The following PREX1 variants were observed in gnomAD, a reference collection of about 807,000 sequenced individuals.
PREX1 encodes phosphatidylinositol 3,4,5-trisphosphate-dependent Rac exchanger 1 protein.
In PREX1, 41 loss-of-function variants were observed where a neutral mutation model predicts 198.3. The ratio of observed to expected loss-of-function variants is 0.21; its 90% CI spans 0.16 to 0.27. The LOEUF (loss-of-function observed/expected upper bound fraction) is 0.27, where lower values mean the gene tolerates loss of function less well. Among genes scored for constraint, PREX1 ranks in the 10% least tolerant of loss-of-function variants. The probability of loss-of-function intolerance (pLI) is 1.00; values close to 1 mark genes in which losing one functional copy is unlikely to be tolerated. For missense variants in PREX1, 1,620 were observed against 2,200.7 expected, an observed-to-expected ratio of 0.74 and a Z score of 5.28; for synonymous variants, 843 against 887.2, an observed-to-expected ratio of 0.95 and a Z score of 0.89.
chr20:48,695,963 C>G (rs887414429), intron 7 of PREX1, among the ~76,000 whole-genome samples: 1 of 152,276 alleles, frequency 6.6e-6, no homozygotes, highest in Non-Finnish European at 1.5e-5. Flanking sequence ...GGCACAGGGC[C>G]AAGTCTGGCT....
intron 6 of PREX1, among the ~76,000 whole-genome samples, chr20:48,707,800 G>A (rs1483331288): frequency 6.6e-6 from 1 of 152,148 alleles, no homozygotes; most frequent in Non-Finnish European, 1.5e-5. Context: ...TATGTACCAG[G>A]TACAGATGAG....
At chr20:48,686,515 A>G (rs2089785497) in intron 10 of PREX1, among the ~76,000 whole-genome samples, 1 of 152,214 alleles carries the variant, frequency 6.6e-6, no homozygotes, top group Admixed American at 6.5e-5. Flanking sequence ...AGGCTGCCTC[A>G]TCGGTCCGGA....
rs116811599 is a variant in PREX1, at chr20:48,808,578, T to C, written c.219+19064A>G. Among the ~76,000 whole-genome samples the C allele has an allele frequency of 1.9e-3, 289 of 152,304 alleles. 4 individuals carry two copies. The highest frequency in any genetic ancestry group is 6.6e-3 in the African/African-American group (273 of 41,560). On this transcript the variant is annotated intron_variant, in intron 1 of 39. Transcript: ENST00000371941. Reference sequence around the variant, plus strand: ...CCCGCACAAGTAGCCAGAGGGATCCTGCGAAAACTGAGTCAGATCTGCCCC... The same window carrying C: ...CCCGCACAAGTAGCCAGAGGGATCCCGCGAAAACTGAGTCAGATCTGCCCC...
At chr20:48,872,834 C>T in the PREX1 span, among the ~76,000 whole-genome samples, 2 of 152,158 alleles carry the variant, frequency 1.3e-5, no homozygotes, top group Non-Finnish European at 2.9e-5. Flanking sequence ...AACAGAGCCC[C>T]GGAAGTATTT....
intron 14 of PREX1, among the ~76,000 whole-genome samples, chr20:48,675,984 C>T (rs925268511): frequency 6.6e-6 from 1 of 150,968 alleles, no homozygotes; most frequent in Non-Finnish European, 1.5e-5. Context: ...TTGCAGTGAG[C>T]TAAGACTGCA....
Position 48,710,525 on chromosome 20 carries a change from T to A in PREX1, c.622-2104A>T, listed in dbSNP as rs529735362. ...CTTCTCGATTGGCAGATGCAAGACC[T>A]GAGGCACAGAGAGGTCAGACCGTTT... On this transcript the variant is annotated intron_variant, in intron 5 of 39. Coordinates refer to ENST00000371941, the MANE Select transcript of PREX1 (RefSeq NM_020820.4). 4.6e-5 allele frequency among the ~76,000 whole-genome samples: 7 copies of A among 152,332 alleles called. No individual in the cohort carries two copies. The South Asian group carries it at 1.2e-3, about 27-fold the overall frequency.
At position 48,667,463 on chromosome 20, in the gene PREX1, G is replaced by C. The variant is rs114979060; in HGVS notation, c.1666-1108C>G. Reference sequence around the variant, plus strand: ...ACCACTCCTCCCTGCCTGGGATAAAGTCATGTGAGGAAGTGATGCTCAGGA... The same window carrying C: ...ACCACTCCTCCCTGCCTGGGATAAACTCATGTGAGGAAGTGATGCTCAGGA... On this transcript the variant is annotated intron_variant, in intron 14 of 39. Transcript: ENST00000371941. Among the ~76,000 whole-genome samples the C allele has an allele frequency of 2.0e-3, 307 of 152,262 alleles. 1 individual carries two copies. Among genetic ancestry groups the C allele is most frequent in the African/African-American group, 7.1e-3 (295 of 41,544 alleles).
At chr20:48,826,719 G>A (rs920910008) in intron 1 of PREX1, among the ~76,000 whole-genome samples, 6 of 152,170 alleles carry the variant, frequency 3.9e-5, no homozygotes, top group Non-Finnish European at 7.3e-5. Context: ...GTCGGCCGTG[G>A]TGGCTGGCGC....
chr20:48,852,340 T>C, the PREX1 span, among the ~76,000 whole-genome samples: 1 of 152,122 alleles, frequency 6.6e-6, no homozygotes, highest in South Asian at 2.1e-4. Context: ...CCATAGGTCA[T>C]GGTGCTGGAG....
At chr20:48,779,272 G>C (rs777123914) in intron 1 of PREX1, among the ~76,000 whole-genome samples, 1 of 152,210 alleles carries the variant, frequency 6.6e-6, no homozygotes, top group African/African-American at 2.4e-5. Context: ...TTAGGAGAAT[G>C]TAAGTTAAAA....
chr20:48,748,853 T>C (rs1443563464), intron 1 of PREX1, among the ~76,000 whole-genome samples: 4 of 152,166 alleles, frequency 2.6e-5, no homozygotes, highest in Non-Finnish European at 4.4e-5. Context: ...AAGCCAGAAA[T>C]TAGAATTTTT....
At chr20:48,739,083 C>G (rs1301252605) in intron 3 of PREX1, among the ~76,000 whole-genome samples, 3 of 152,198 alleles carry the variant, frequency 2.0e-5, no homozygotes, top group Non-Finnish European at 2.9e-5. Context: ...CACCTCGGCA[C>G]GCAAAGCCCT....
chr20:48,719,871 A>G (rs995819705), intron 5 of PREX1, among the ~76,000 whole-genome samples: 2 of 152,082 alleles, frequency 1.3e-5, no homozygotes, highest in African/African-American at 2.4e-5. Context: ...GGCAGATCCC[A>G]TTCCTCCCTG....
At chr20:48,710,094 G>A (rs1307211594) in intron 5 of PREX1, among the ~76,000 whole-genome samples, 1 of 152,182 alleles carries the variant, frequency 6.6e-6, no homozygotes, top group Non-Finnish European at 1.5e-5. Context: ...CAATGAGGCT[G>A]GAAAGGCACT....
the PREX1 span, among the ~76,000 whole-genome samples, chr20:48,874,118 A>G: frequency 5.9e-5 from 9 of 152,198 alleles, no homozygotes; most frequent in Non-Finnish European, 1.0e-4. Context: ...GCATCTAGTC[A>G]TGTAATTATT....
intron 5 of PREX1, among the ~76,000 whole-genome samples, chr20:48,715,800 T>G (rs2089959697): frequency 6.6e-6 from 1 of 152,222 alleles, no homozygotes; most frequent in Non-Finnish European, 1.5e-5. Flanking sequence ...AAGTACTTAC[T>G]GTGCACCAAG....
the PREX1 span, among the ~76,000 whole-genome samples, chr20:48,883,729 T>G: frequency 2.0e-5 from 3 of 152,210 alleles, no homozygotes; most frequent in East Asian, 5.8e-4. Flanking sequence ...TGTTGAAATA[T>G]TAAAGAAGAC....
chr20:48,679,448 C>T (rs750226797), intron 12 of PREX1, 39 bp from the exon 13 acceptor site: 6 of 1,596,028 alleles, frequency 3.8e-6, no homozygotes, highest in South Asian at 2.2e-5. Context: ...GATCAGGCCA[C>T]ATCCTTCACG....
At chr20:48,709,417 C>A (rs575761138) in intron 5 of PREX1, among the ~76,000 whole-genome samples, 99 of 152,348 alleles carry the variant, frequency 6.5e-4, no homozygotes, top group African/African-American at 2.2e-3. Flanking sequence ...GCTGACTCTG[C>A]CCCTCACTGT....
Sources: gnomAD v4.1 joint callset for allele counts (sites outside exome capture counted in the v4.1 genomes callset) on GRCh38, gnomAD v4.1.1 for gene constraint, MANE v1.5 for transcripts, NCBI Gene and HGNC (gene_info 2026-07-23, HGNC 2026-07-21) for gene names.